Variants in KRAS observed in about 807,000 individuals in gnomAD.
KRAS encodes the protein GTPase KRas.
KRAS carries 1 observed loss-of-function variant against 21.0 expected under a neutral mutation model. The observed-to-expected ratio is 0.05, with a 90% confidence interval of 0.02 to 0.23. The LOEUF is 0.23. Among genes scored for constraint, KRAS ranks in the 10% least tolerant of loss-of-function variants. KRAS has a pLI of 1.00. For missense variants in KRAS, 107 were observed against 221.8 expected (o/e 0.48, Z 3.29); for synonymous variants, 67 against 72.5 (o/e 0.92, Z 0.39).
At chr12:25,222,174 A>AAAATAAATAAATAAATAAAT (rs139753860) in intron 4 of KRAS, among the ~76,000 whole-genome samples, 2 of 148,304 alleles carry the variant, frequency 1.3e-5, no homozygotes, top group East Asian at 3.9e-4. Flanking sequence ...GAAAGAAAGA[A>AAAATAAATAAATAAATAAAT]AAATAAATAA....
chr12:25,247,949 CA>C (rs891577550), intron 1 of KRAS, among the ~76,000 whole-genome samples: 3 of 152,020 alleles, frequency 2.0e-5, no homozygotes, highest in Non-Finnish European at 4.4e-5. Context: ...TAAATGAATA[CA>C]TTTTAAAAAA....
intron 2 of KRAS, among the ~76,000 whole-genome samples, chr12:25,235,648 T>G (rs1346177886): frequency 2.0e-5 from 3 of 152,140 alleles, no homozygotes; most frequent in African/African-American, 7.2e-5. Flanking sequence ...CAACTTTGTA[T>G]GCATTAAGAA....
At chr12:25,218,083 G>A (rs915059533) in intron 4 of KRAS, among the ~76,000 whole-genome samples, 1 of 152,040 alleles carries the variant, frequency 6.6e-6, no homozygotes, top group Non-Finnish European at 1.5e-5. Flanking sequence ...GCTCTGTTAA[G>A]ATACTTTCAC....
intron 2 of KRAS, among the ~76,000 whole-genome samples, chr12:25,241,935 A>G (rs996246225): frequency 7.2e-5 from 11 of 152,250 alleles, no homozygotes; most frequent in African/African-American, 2.7e-4. Context: ...TTCTTATACC[A>G]GTCTTCAGTA....
chr12:25,214,834 G>A (rs547674105), intron 4 of KRAS, among the ~76,000 whole-genome samples: 13 of 152,248 alleles, frequency 8.5e-5, no homozygotes, highest in East Asian at 1.9e-4. Context: ...AGAATGTAAC[G>A]TCACAGGAAT....
chr12:25,224,981 A>G (rs182922040), intron 4 of KRAS: 3 of 152,196 alleles, frequency 2.0e-5, no homozygotes, highest in African/African-American at 7.2e-5. Context: ...AGCAACTGAA[A>G]TTATTTTATT....
rs1417039463 is a variant in KRAS, at chr12:25,209,862, T to C, written c.500A>G (p.Lys167Arg). ...YTLVREIRKH[K>R]EKMSKDGKKK... Reference sequence around the variant, plus strand: ...TTTACCATCTTTGCTCATCTTTTCTTTATGTTTTCGAATTTCTCGAACTAA... The same window carrying C: ...TTTACCATCTTTGCTCATCTTTTCTCTATGTTTTCGAATTTCTCGAACTAA... Residue 167 changes from lysine to arginine, a missense_variant, in exon 5 of 5, where the codon AAA (lysine) becomes AGA (arginine). Physicochemically the swap from Lys to Arg is conservative, Grantham distance 26. Coordinates refer to ENST00000311936, the MANE Select transcript of KRAS (RefSeq NM_004985.5). 1.2e-6 allele frequency: 2 copies of C among 1,611,608 alleles called. No individual in the cohort carries two copies. The highest frequency in any genetic ancestry group is 1.1e-5 in the South Asian group (1 of 90,920).
chr12:25,212,829 C>T (rs1257312415), intron 4 of KRAS, among the ~76,000 whole-genome samples: 2 of 152,048 alleles, frequency 1.3e-5, no homozygotes, highest in African/African-American at 4.8e-5. Flanking sequence ...CTCAAGCAGT[C>T]CTCGCGCTGT....
chr12:25,212,697 C>G (rs1470701593), intron 4 of KRAS, among the ~76,000 whole-genome samples: 1 of 152,086 alleles, frequency 6.6e-6, no homozygotes, highest in East Asian at 1.9e-4. Flanking sequence ...ATAACATTAT[C>G]TTTTTCAGGA....
chr12:25,230,938 G>C (rs1022141197), intron 2 of KRAS, among the ~76,000 whole-genome samples: 10 of 152,084 alleles, frequency 6.6e-5, no homozygotes, highest in Admixed American at 3.9e-4. Flanking sequence ...AACTCCTATA[G>C]ATCACAAATT....
intron 2 of KRAS, among the ~76,000 whole-genome samples, chr12:25,238,987 TA>T (rs1001563653): frequency 1.3e-5 from 2 of 152,222 alleles, no homozygotes; most frequent in African/African-American, 4.8e-5. Context: ...CTGACCTCCA[TA>T]AAGTCTGAGG....
intron 1 of KRAS, among the ~76,000 whole-genome samples, chr12:25,246,638 C>G (rs528415691): frequency 2.0e-5 from 3 of 152,150 alleles, no homozygotes; most frequent in African/African-American, 4.8e-5. Context: ...GCAAGTGAGC[C>G]GGGCACGGTG....
At chr12:25,223,036 T>C (rs1951347857) in intron 4 of KRAS, among the ~76,000 whole-genome samples, 1 of 152,218 alleles carries the variant, frequency 6.6e-6, no homozygotes, top group African/African-American at 2.4e-5. Context: ...CTAAACCTTC[T>C]GAATTAGAAT....
chr12:25,229,959 A>G (rs139020721), intron 2 of KRAS, among the ~76,000 whole-genome samples: 1 of 152,064 alleles, frequency 6.6e-6, no homozygotes, highest in African/African-American at 2.4e-5. Flanking sequence ...TTTTTAGTAG[A>G]GATGGGGTTT....
At chr12:25,230,900 G>A (rs1310736504) in intron 2 of KRAS, among the ~76,000 whole-genome samples, 2 of 151,900 alleles carry the variant, frequency 1.3e-5, no homozygotes, top group African/African-American at 2.4e-5. Flanking sequence ...ACTTAATTTA[G>A]CCTATTCTCT....
At chr12:25,236,781 G>C (rs1236111651) in intron 2 of KRAS, among the ~76,000 whole-genome samples, 4 of 152,004 alleles carry the variant, frequency 2.6e-5, no homozygotes, top group Admixed American at 1.3e-4. Flanking sequence ...GAAATACTTA[G>C]GTAAAATTGT....
chr12:25,230,477 A>C lies in KRAS; in HGVS notation c.112-3065T>G, dbSNP rs61762361. 3.5e-3 allele frequency among the ~76,000 whole-genome samples: 527 copies of C among 152,166 alleles called. 8 individuals are homozygous for C. The highest frequency in any genetic ancestry group is 0.012 in the African/African-American group (508 of 41,528). On this transcript the variant is annotated intron_variant, in intron 2 of 4. Coordinates refer to ENST00000311936, the MANE Select transcript of KRAS (RefSeq NM_004985.5). The stretch of plus-strand genomic sequence containing the variant: ...AACCCCATCTCTACTAAACATACAA[A>C]ATTACCTGGGCCTGGTGGTGCATGA...
intron 1 of KRAS, among the ~76,000 whole-genome samples, chr12:25,245,933 A>G (rs772654854): frequency 1.4e-4 from 21 of 152,208 alleles, no homozygotes; most frequent in Non-Finnish European, 2.5e-4. Context: ...AAATATTAAC[A>G]GTAAGAATCA....
intron 4 of KRAS, among the ~76,000 whole-genome samples, chr12:25,221,024 C>CAAAAA (rs67015511): frequency 5.1e-4 from 43 of 84,788 alleles, no homozygotes; most frequent in Non-Finnish European, 6.9e-4. Flanking sequence ...GACTCTGCCT[C>CAAAAA]AAAAAAAAAA....
Sources: gnomAD v4.1 joint callset for allele counts (sites outside exome capture counted in the v4.1 genomes callset) on GRCh38, gnomAD v4.1.1 for gene constraint, MANE v1.5 for transcripts, NCBI Gene and HGNC (gene_info 2026-07-23, HGNC 2026-07-21) for gene names.